Variants in RARB observed in about 807,000 individuals in gnomAD.
RARB encodes retinoic acid receptor beta, also known as HBV-activated protein.
In RARB, 17 loss-of-function variants were observed where a neutral mutation model predicts 51.9. The ratio of observed to expected loss-of-function variants is 0.33; its 90% CI spans 0.22 to 0.49. The LOEUF is 0.49. Among genes scored for constraint, RARB ranks in the 20% least tolerant of loss-of-function variants. RARB has a pLI of 0.99. For missense variants in RARB, 369 were observed against 550.8 expected (o/e 0.67, Z 3.30); for synonymous variants, 215 against 195.4 (o/e 1.10, Z -0.84).
In RARB at chr3:24,921,662, G is replaced by C. The variant is rs970870706; in HGVS notation, c.-380+62910G>C. Among the ~76,000 whole-genome samples, 9 of 152,032 alleles carry C rather than the reference G, an allele frequency of 5.9e-5. No individual in the cohort carries two copies. The South Asian group carries it at 1.2e-3, about 21-fold the overall frequency. ...CTCCTCTTAACTCTCTTCCCGCATAGTCTAGCCCAGACCTCAGCATCTCCC... is the reference window on the plus strand; with the variant it reads ...CTCCTCTTAACTCTCTTCCCGCATACTCTAGCCCAGACCTCAGCATCTCCC... On this transcript the variant is annotated intron_variant, in intron 2 of 11. Coordinates refer to the RARB transcript ENST00000383772.
intron 2 of RARB, among the ~76,000 whole-genome samples, chr3:24,979,601 T>G (rs913258011): frequency 6.9e-5 from 10 of 145,694 alleles, no homozygotes; most frequent in Non-Finnish European, 9.0e-5. Context: ...TTGTTTTTTG[T>G]TTTTTTTTGC....
intron 2 of RARB, among the ~76,000 whole-genome samples, chr3:25,050,708 G>A (rs1372845385): frequency 1.3e-5 from 2 of 152,144 alleles, no homozygotes; most frequent in South Asian, 2.1e-4. Flanking sequence ...TATAGAAAAA[G>A]ATTTAACTCT....
intron 5 of RARB, among the ~76,000 whole-genome samples, chr3:25,286,598 G>C (rs1703663059): frequency 6.6e-6 from 1 of 152,082 alleles, no homozygotes; most frequent in Non-Finnish European, 1.5e-5. Context: ...ACTACCTAAA[G>C]TCTCACCTCC....
chr3:25,030,690 T>C (rs757747651), intron 2 of RARB, among the ~76,000 whole-genome samples: 1 of 152,152 alleles, frequency 6.6e-6, no homozygotes, highest in Non-Finnish European at 1.5e-5. Flanking sequence ...AAATCTTGCA[T>C]CTTCCTGGAA....
intron 2 of RARB, among the ~76,000 whole-genome samples, chr3:24,914,221 G>A (rs1256981521): frequency 2.6e-5 from 4 of 152,162 alleles, no homozygotes; most frequent in Non-Finnish European, 4.4e-5. Flanking sequence ...CACCCCTAGT[G>A]GTACAGCAAC....
intron 2 of RARB, among the ~76,000 whole-genome samples, chr3:24,970,265 C>T (rs1316229983): frequency 2.0e-5 from 3 of 151,978 alleles, no homozygotes; most frequent in East Asian, 1.9e-4. Flanking sequence ...AAGCAAAGAA[C>T]GTGTATTTTC....
intron 5 of RARB, among the ~76,000 whole-genome samples, chr3:25,195,857 ATAAATATATCTGAAGTATATG>A (rs1209478228): frequency 6.6e-6 from 1 of 152,044 alleles, no homozygotes; most frequent in Non-Finnish European, 1.5e-5. Context: ...ATAAAGTTAT[ATAAATATATCTGAAGTATATG>A]TAATCTGTTA....
At chr3:25,423,703 G>C (rs904596539), upstream of RARB, among the ~76,000 whole-genome samples, 12 of 152,132 alleles carry the variant, frequency 7.9e-5, no homozygotes, top group Admixed American at 7.2e-4. Context: ...GGGAGTGATG[G>C]AAAATGTGAA....
intron 3 of RARB, among the ~76,000 whole-genome samples, chr3:25,509,853 T>G (rs549677105): frequency 2.0e-5 from 3 of 152,046 alleles, no homozygotes; most frequent in Non-Finnish European, 4.4e-5. Flanking sequence ...GCAGCTGCCT[T>G]TCTTTGCTCA....
At chr3:25,104,676 C>T (rs1444765683) in intron 3 of RARB, among the ~76,000 whole-genome samples, 1 of 152,058 alleles carries the variant, frequency 6.6e-6, no homozygotes, top group Non-Finnish European at 1.5e-5. Context: ...CACAGTGATA[C>T]TATTGTTAAT....
At chr3:25,044,011 C>T (rs1698164237) in intron 2 of RARB, among the ~76,000 whole-genome samples, 1 of 150,296 alleles carries the variant, frequency 6.7e-6, no homozygotes, top group Admixed American at 6.6e-5. Flanking sequence ...CTCTGCAGAC[C>T]TCTCAGGTTT....
At chr3:25,317,900 C>T (rs530340578) in intron 5 of RARB, among the ~76,000 whole-genome samples, 2 of 141,278 alleles carry the variant, frequency 1.4e-5, no homozygotes, top group African/African-American at 5.2e-5. Context: ...CACCACCCAG[C>T]CTGTCTGAAT....
chr3:25,312,107 C>G (rs1360587749), intron 5 of RARB, among the ~76,000 whole-genome samples: 1 of 152,042 alleles, frequency 6.6e-6, no homozygotes, highest in Non-Finnish European at 1.5e-5. Context: ...AACTTATTGA[C>G]TACAAGGCAA....
At chr3:24,837,758 A>T (rs1203438122) in intron 1 of RARB, among the ~76,000 whole-genome samples, 1 of 152,240 alleles carries the variant, frequency 6.6e-6, no homozygotes, top group Non-Finnish European at 1.5e-5. Flanking sequence ...ATGATTAATG[A>T]CAAAGTCACA....
chr3:25,421,953 T>A (rs1707875949), intron 5 of RARB, among the ~76,000 whole-genome samples: 3 of 152,204 alleles, frequency 2.0e-5, no homozygotes, highest in Admixed American at 2.0e-4. Flanking sequence ...AGCACTATGC[T>A]GCAATAGAGC....
At chr3:24,976,872 T>A (rs1412168691) in intron 2 of RARB, among the ~76,000 whole-genome samples, 1 of 152,238 alleles carries the variant, frequency 6.6e-6, no homozygotes. Flanking sequence ...TAGGTTTTCA[T>A]CTAGGGTTTT....
chr3:25,065,158 A>G (rs1698636647), intron 3 of RARB, among the ~76,000 whole-genome samples: 1 of 151,412 alleles, frequency 6.6e-6, no homozygotes, highest in South Asian at 2.1e-4. Context: ...TCACTTCTAC[A>G]TTATTGTGAG....
intron 3 of RARB, among the ~76,000 whole-genome samples, chr3:25,117,646 C>T (rs1408339329): frequency 5.3e-5 from 8 of 152,046 alleles, no homozygotes. Context: ...TGCTGGTGGC[C>T]TGAGCTTAGG....
chr3:25,309,308 G>GT (rs546135979), intron 5 of RARB, among the ~76,000 whole-genome samples: 18,996 of 136,658 alleles, frequency 0.14, 1,495 homozygotes, highest in South Asian at 0.28. Flanking sequence ...CTAATTTTTT[G>GT]TTTTTTTTTT....
Sources: gnomAD v4.1 joint callset for allele counts (sites outside exome capture counted in the v4.1 genomes callset) on GRCh38, gnomAD v4.1.1 for gene constraint, MANE v1.5 for transcripts, NCBI Gene and HGNC (gene_info 2026-07-23, HGNC 2026-07-21) for gene names.